FHOD3: variants seen among roughly 807,000 people sequenced by gnomAD.
FHOD3 encodes the protein FH1/FH2 domain-containing protein 3.
A neutral mutation model predicts 173.0 loss-of-function variants in FHOD3; 90 were observed. The ratio of observed to expected loss-of-function variants is 0.52; its 90% CI spans 0.44 to 0.62. FHOD3 has a LOEUF of 0.62. Ranked by LOEUF, FHOD3 falls within the 20% of genes least tolerant of loss-of-function variation. The pLI, the probability that FHOD3 is intolerant of heterozygous loss-of-function variation, is 0.00. For synonymous variants in FHOD3, 828 were observed against 823.0 expected (o/e 1.01, Z -0.10); for missense variants, 1,945 against 2,034.7 (o/e 0.96, Z 0.85).
chr18:36,769,166 GT>G, intron 27 of FHOD3, 98 bp from the exon 28 acceptor site: 1 of 1,403,802 alleles, frequency 7.1e-7, no homozygotes, highest in Non-Finnish European at 9.8e-7. Flanking sequence ...CCTGTGATCT[GT>G]TGCTGAAAGA....
At chr18:36,407,024 A>G (rs1027522841) in intron 3 of FHOD3, among the ~76,000 whole-genome samples, 23 of 152,238 alleles carry the variant, frequency 1.5e-4, no homozygotes, top group Non-Finnish European at 1.5e-5. Context: ...ATTAGTATAC[A>G]GTGTAATCGC....
intron 19 of FHOD3, among the ~76,000 whole-genome samples, chr18:36,727,054 T>C (rs2041114004): frequency 6.6e-6 from 1 of 151,766 alleles, no homozygotes; most frequent in Non-Finnish European, 1.5e-5. Context: ...AGGCGAGTGC[T>C]GGGCTGCTCT....
chr18:36,718,028 C>T lies in FHOD3; in HGVS notation c.2730C>T (p.Ser910=). 1 of 1,606,494 alleles carries T rather than the reference C, an allele frequency of 6.2e-7. No individual in the cohort carries two copies. The highest frequency in any genetic ancestry group is 1.3e-5 in the African/African-American group (1 of 74,968). ...TAGCCAGCCTTGCTACCAGGATATC[C>T]ACCCTGCAGGCCAACTCTCAGACCC... ...EAVASLATRI[S]TLQANSQTQD... is the part of the protein sequence containing the mutation. The change falls in exon 19 of 29, where the codon TCC becomes TCT. Residue 910 remains serine (S), a synonymous_variant. Coordinates refer to ENST00000590592, the MANE Select transcript of FHOD3 (RefSeq NM_001281740.3).
chr18:36,570,579 C>T (rs2058417245), intron 5 of FHOD3, among the ~76,000 whole-genome samples: 1 of 151,970 alleles, frequency 6.6e-6, no homozygotes, highest in African/African-American at 2.4e-5. Context: ...GAAAACCAGA[C>T]ATAAAATACA....
chr18:36,507,469 T>A (rs1395652269), intron 4 of FHOD3, among the ~76,000 whole-genome samples: 1 of 152,220 alleles, frequency 6.6e-6, no homozygotes, highest in African/African-American at 2.4e-5. Flanking sequence ...ACATTTTGGA[T>A]AAGGGATACT....
rs962977426 is a variant in FHOD3, at chr18:36,730,277, C to T, written c.3418-369C>T. On this transcript the variant is annotated intron_variant, in intron 19 of 28. Transcript: ENST00000590592. ...ACGCACCATATGTATGAAGGCCAAC[C>T]AAGACATTCGGACACCTCAAAGCCC... Among the ~76,000 whole-genome samples the T allele has an allele frequency of 3.3e-5, 5 of 152,312 alleles. No homozygotes were observed. The East Asian group carries it at 9.6e-4, about 29-fold the overall frequency.
At chr18:36,382,092 G>A (rs2047820236) in intron 3 of FHOD3, among the ~76,000 whole-genome samples, 1 of 152,206 alleles carries the variant, frequency 6.6e-6, no homozygotes, top group African/African-American at 2.4e-5. Context: ...AGGTGAGATG[G>A]TGGTGGTTTG....
rs774271898 is a variant in FHOD3 at position 36,681,460 on chromosome 18, A to T, written c.1860A>T (p.Thr620=). The T allele has an allele frequency of 1.9e-5, 30 of 1,613,866 alleles. No individual in the cohort carries two copies. The highest frequency in any genetic ancestry group is 2.5e-5 in the Non-Finnish European group (30 of 1,179,864). Residue 620 remains threonine, a synonymous_variant, in exon 15 of 29, where the codon ACA becomes ACT. Coordinates refer to ENST00000590592, the MANE Select transcript of FHOD3 (RefSeq NM_001281740.3). ...LERSSPSGLL[T]SSFRQHQESL... ...GGTCATCACCGAGTGGTCTTCTCAC[A>T]TCATCCTTCAGGCAGCACCAAGAGT...
At position 36,481,020 on chromosome 18, in the gene FHOD3, GTTTTT is replaced by G. The variant is rs35793521; in HGVS notation, c.338-20894_338-20890del. ...GCCAGGCTGGGCATATTGGGAGGTG[GTTTTT>G]TTTTTTTTTTTTTTTTTGCGTTTAA... On this transcript the variant is annotated intron_variant, in intron 3 of 28. Transcript: ENST00000590592. 6.4e-3 allele frequency among the ~76,000 whole-genome samples: 666 copies of G among 104,430 alleles called. 5 individuals are homozygous for G. Among genetic ancestry groups the G allele is most frequent in the South Asian group, 0.013 (41 of 3,084 alleles). The allele number at this position is 104,430 out of a possible 152,430, so 68.5% of individuals were successfully genotyped here. A position where few individuals can be genotyped will look rare whatever the true frequency, so the allele number is the denominator to read the frequency against.
At chr18:36,599,172 A>G (rs981593686) in intron 7 of FHOD3, among the ~76,000 whole-genome samples, 16 of 152,164 alleles carry the variant, frequency 1.1e-4, no homozygotes, top group African/African-American at 3.6e-4. Flanking sequence ...CTGTCTGGGT[A>G]TGGGGTCCTT....
chr18:36,444,413 G>A (rs932630191), intron 3 of FHOD3, among the ~76,000 whole-genome samples: 56 of 151,868 alleles, frequency 3.7e-4, no homozygotes, highest in African/African-American at 1.3e-3. Context: ...GATTTTAATT[G>A]TTTATTTTTT....
intron 5 of FHOD3, among the ~76,000 whole-genome samples, chr18:36,548,214 A>G (rs899456971): frequency 1.3e-5 from 2 of 152,146 alleles, no homozygotes. Flanking sequence ...AAAATTCTGT[A>G]CATTCACTCA....
rs578130294 is a variant in FHOD3, at chr18:36,680,487, A to G, written c.1836-949A>G. Among the ~76,000 whole-genome samples the G allele has an allele frequency of 3.9e-5, 6 of 152,288 alleles. 1 individual carries two copies. Among genetic ancestry groups the G allele is most frequent in the Admixed American group, 3.3e-4 (5 of 15,294 alleles). ...ATAAGTGAAGGCCTCAATTGTCCAT[A>G]ACAGATTTTATTCTCCAGAGATCCA... On this transcript the variant is annotated intron_variant, in intron 14 of 28. Transcript: ENST00000590592.
At chr18:36,731,327 C>A (rs1031600233) in intron 20 of FHOD3, among the ~76,000 whole-genome samples, 1 of 152,156 alleles carries the variant, frequency 6.6e-6, no homozygotes, top group Admixed American at 6.5e-5. Flanking sequence ...TGGCTGTGAC[C>A]GCACAGCTGG....
chr18:36,340,934 G>A (rs2045583654), intron 1 of FHOD3, among the ~76,000 whole-genome samples: 2 of 152,154 alleles, frequency 1.3e-5, no homozygotes, highest in Admixed American at 6.5e-5. Flanking sequence ...ACCGCGCCCG[G>A]CCAGTCTCCT....
intron 3 of FHOD3, among the ~76,000 whole-genome samples, chr18:36,494,137 C>T (rs2054614887): frequency 6.6e-6 from 1 of 152,186 alleles, no homozygotes; most frequent in Non-Finnish European, 1.5e-5. Context: ...TCCCCACACA[C>T]TGAAGTTTTC....
intron 20 of FHOD3, among the ~76,000 whole-genome samples, chr18:36,739,740 A>C (rs569273551): frequency 7.9e-5 from 12 of 152,382 alleles, no homozygotes; most frequent in Non-Finnish European, 1.3e-4. Flanking sequence ...CATTTAAAAA[A>C]ATTTTAGTTT....
intron 3 of FHOD3, among the ~76,000 whole-genome samples, chr18:36,401,619 C>T (rs1376291528): frequency 1.3e-5 from 2 of 152,190 alleles, no homozygotes; most frequent in African/African-American, 4.8e-5. Context: ...GGTTACTGCA[C>T]CTCTCTGAGC....
intron 2 of FHOD3, among the ~76,000 whole-genome samples, chr18:36,367,159 A>G (rs2046939076): frequency 1.3e-5 from 2 of 152,212 alleles, no homozygotes; most frequent in Admixed American, 6.5e-5. Flanking sequence ...TATTACTGTA[A>G]CAGAAGTCTG....
Sources: gnomAD v4.1 joint callset for allele counts (sites outside exome capture counted in the v4.1 genomes callset) on GRCh38, gnomAD v4.1.1 for gene constraint, MANE v1.5 for transcripts, NCBI Gene and HGNC (gene_info 2026-07-23, HGNC 2026-07-21) for gene names.